CPQ: variants seen among roughly 807,000 people sequenced by gnomAD.
CPQ encodes the protein Ser-Met dipeptidase.
A neutral mutation model predicts 45.7 loss-of-function variants in CPQ; 37 were observed. The observed-to-expected ratio is 0.81, with a 90% confidence interval of 0.62 to 1.07. The LOEUF (loss-of-function observed/expected upper bound fraction) is 1.07. CPQ is among the 50% of genes least tolerant of loss of function. The pLI is 0.00. For synonymous variants in CPQ, 186 were observed against 205.8 expected (o/e 0.90, Z 0.82); for missense variants, 537 against 572.9 (o/e 0.94, Z 0.64).
intron 3 of CPQ, among the ~76,000 whole-genome samples, chr8:96,875,864 G>A (rs563198687): frequency 9.3e-4 from 141 of 151,666 alleles, no homozygotes; most frequent in African/African-American, 3.1e-3. Flanking sequence ...TATGGATTGC[G>A]TTAAATCCAT....
At chr8:96,705,808 A>G (rs1427138648) in intron 1 of CPQ, among the ~76,000 whole-genome samples, 1 of 152,030 alleles carries the variant, frequency 6.6e-6, no homozygotes, top group Non-Finnish European at 1.5e-5. Flanking sequence ...GCATTATTTT[A>G]CTCAGGATTT....
intron 3 of CPQ, among the ~76,000 whole-genome samples, chr8:96,850,321 C>T (rs1466520314): frequency 6.6e-6 from 1 of 152,138 alleles, no homozygotes; most frequent in Non-Finnish European, 1.5e-5. Flanking sequence ...CCTGGCCTTC[C>T]TCTGGGGCTT....
chr8:96,969,322 C>T (rs1813622867), intron 5 of CPQ, among the ~76,000 whole-genome samples: 2 of 152,192 alleles, frequency 1.3e-5, no homozygotes, highest in Admixed American at 6.5e-5. Context: ...TCAACAAATA[C>T]TTGTGCATTG....
chr8:96,828,773 A>G (rs1811410165), intron 2 of CPQ, among the ~76,000 whole-genome samples: 1 of 152,100 alleles, frequency 6.6e-6, no homozygotes, highest in South Asian at 2.1e-4. Flanking sequence ...CTTCAAAGCA[A>G]CCATATTCAA....
At position 96,898,120 on chromosome 8, in the gene CPQ, G is replaced by A. The variant is rs555588469; in HGVS notation, c.849+18115G>A. On this transcript the variant is annotated intron_variant, in intron 4 of 7. Transcript: ENST00000220763. ...TCTCCCAACATTTGTGCTCCTAGTG[G>A]ACTGGTAACTTGCACTCCTAAGAAC... Among the ~76,000 whole-genome samples the A allele has an allele frequency of 2.2e-3, 328 of 152,194 alleles. 3 individuals carry two copies. Among genetic ancestry groups the A allele is most frequent in the South Asian group, 0.018 (85 of 4,824 alleles).
intron 1 of CPQ, among the ~76,000 whole-genome samples, chr8:96,686,249 GACACTC>G (rs1471582347): frequency 6.6e-6 from 1 of 151,974 alleles, no homozygotes; most frequent in Non-Finnish European, 1.5e-5. Flanking sequence ...GGTCATAGTA[GACACTC>G]TTGTCTTCAA....
Position 96,724,476 on chromosome 8 carries a change from T to C in CPQ, c.-34-60388T>C, listed in dbSNP as rs569924550. On this transcript the variant is annotated intron_variant, in intron 1 of 7. Transcript: ENST00000220763. Reference sequence around the variant, plus strand: ...GCTGAGAGCCAAGTCAAGAATGCAGTCCCATTTAGAGTAGACACACACACA... The same window carrying C: ...GCTGAGAGCCAAGTCAAGAATGCAGCCCCATTTAGAGTAGACACACACACA... Among the ~76,000 whole-genome samples the C allele has an allele frequency of 2.1e-5, 3 of 144,680 alleles. No individual in the cohort carries two copies. The South Asian group carries it at 6.5e-4, about 31-fold the overall frequency. 94.9% of individuals were successfully genotyped at this position (144,680 alleles called of 152,430 possible). A position where few individuals can be genotyped will look rare whatever the true frequency, so the allele number is the denominator to read the frequency against.
chr8:97,137,814 G>A (rs1048559345), intron 7 of CPQ, among the ~76,000 whole-genome samples: 2 of 152,030 alleles, frequency 1.3e-5, no homozygotes, highest in South Asian at 2.1e-4. Context: ...CTGTAGTCCC[G>A]GGAGGCGGAG....
In CPQ at chr8:96,802,950, A is replaced by G. The variant is rs1811025295; in HGVS notation, c.433+17620A>G. 2.0e-5 allele frequency among the ~76,000 whole-genome samples: 3 copies of G among 151,892 alleles called. No homozygotes were observed. In the South Asian group the frequency reaches 6.2e-4, roughly 32 times the overall value. ...TTGGTGATTATTATCTCTTTATTTCATCCTTGTATTAATCAAGGTTCTCAA... is the reference window on the plus strand; with the variant it reads ...TTGGTGATTATTATCTCTTTATTTCGTCCTTGTATTAATCAAGGTTCTCAA... On this transcript the variant is annotated intron_variant, in intron 2 of 7. Coordinates refer to ENST00000220763, the MANE Select transcript of CPQ (RefSeq NM_016134.4).
At chr8:96,997,860 GA>G (rs1297097898) in intron 5 of CPQ, among the ~76,000 whole-genome samples, 1 of 151,952 alleles carries the variant, frequency 6.6e-6, no homozygotes, top group Non-Finnish European at 1.5e-5. Flanking sequence ...AACGGACAAT[GA>G]ACACTCCCTG....
At chr8:97,033,625 C>CTT (rs774022131) in intron 6 of CPQ, among the ~76,000 whole-genome samples, 1 of 142,444 alleles carries the variant, frequency 7.0e-6, no homozygotes, top group Admixed American at 7.1e-5. Context: ...CATGCACAAT[C>CTT]TTTTTTTTTT....
intron 4 of CPQ, among the ~76,000 whole-genome samples, chr8:96,924,563 A>G (rs551311355): frequency 1.3e-5 from 2 of 152,338 alleles, no homozygotes; most frequent in African/African-American, 4.8e-5. Context: ...ACATCCATGC[A>G]GCATAACTCT....
At chr8:96,720,631 G>A (rs566465180) in intron 1 of CPQ, among the ~76,000 whole-genome samples, 1 of 152,016 alleles carries the variant, frequency 6.6e-6, no homozygotes, top group East Asian at 1.9e-4. Flanking sequence ...GTATTCATAG[G>A]GCAGTGTTTC....
intron 5 of CPQ, among the ~76,000 whole-genome samples, chr8:96,990,383 C>A (rs1469440881): frequency 6.6e-6 from 1 of 152,190 alleles, no homozygotes. Context: ...CAGTCTTCTT[C>A]TCTGTTAAAT....
At chr8:97,039,824 A>C (rs1320517631) in intron 6 of CPQ, among the ~76,000 whole-genome samples, 1 of 152,136 alleles carries the variant, frequency 6.6e-6, no homozygotes, top group Non-Finnish European at 1.5e-5. Context: ...CATCATTTTT[A>C]TGGCTGCATA....
At chr8:97,123,839 G>A (rs1288214919) in intron 7 of CPQ, among the ~76,000 whole-genome samples, 1 of 152,154 alleles carries the variant, frequency 6.6e-6, no homozygotes, top group Non-Finnish European at 1.5e-5. Context: ...AGCAAATTCT[G>A]TATACGTGAA....
intron 1 of CPQ, among the ~76,000 whole-genome samples, chr8:96,689,411 A>G (rs916658727): frequency 3.3e-5 from 5 of 152,150 alleles, no homozygotes; most frequent in Admixed American, 6.5e-5. Flanking sequence ...TCTATCCTGT[A>G]ACCATAATGT....
intron 2 of CPQ, among the ~76,000 whole-genome samples, chr8:96,820,499 T>C (rs1422500052): frequency 2.0e-5 from 3 of 151,994 alleles, no homozygotes; most frequent in African/African-American, 7.2e-5. Flanking sequence ...CTCTGATAAC[T>C]ACCAATCTCT....
intron 1 of CPQ, among the ~76,000 whole-genome samples, chr8:96,740,653 T>C (rs1810073711): frequency 3.3e-5 from 5 of 151,984 alleles, no homozygotes; most frequent in African/African-American, 1.2e-4. Flanking sequence ...ACCTAATTTA[T>C]TGAGAGTTTT....
Sources: gnomAD v4.1 joint callset for allele counts (sites outside exome capture counted in the v4.1 genomes callset) on GRCh38, gnomAD v4.1.1 for gene constraint, MANE v1.5 for transcripts, NCBI Gene and HGNC (gene_info 2026-07-23, HGNC 2026-07-21) for gene names.